LARGE1: variants seen among roughly 807,000 people sequenced by gnomAD.
The protein encoded by LARGE1 is LARGE xylosyl- and glucuronyltransferase 1, also known as xylosyl- and glucuronyltransferase LARGE1.
LARGE1 carries 43 observed loss-of-function variants against 87.6 expected under a neutral mutation model. The ratio of observed to expected loss-of-function variants is 0.49; its 90% CI spans 0.38 to 0.63. The LOEUF is 0.63. LARGE1 is among the 30% of genes least tolerant of loss of function. The pLI is 0.00. For synonymous variants in LARGE1, 434 were observed against 394.6 expected (o/e 1.10, Z -1.18); for missense variants, 802 against 1,000.2 (o/e 0.80, Z 2.67).
chr22:33,140,924 A>G, the LARGE1 span, among the ~76,000 whole-genome samples: 1 of 152,148 alleles, frequency 6.6e-6, no homozygotes, highest in African/African-American at 2.4e-5. Flanking sequence ...GAGATACAGA[A>G]GATTTTCTTG....
At chr22:33,598,111 C>G (rs886773257) in intron 5 of LARGE1, among the ~76,000 whole-genome samples, 1 of 152,126 alleles carries the variant, frequency 6.6e-6, no homozygotes, top group Non-Finnish European at 1.5e-5. Context: ...CTTGTCTAGA[C>G]ACAATGACAG....
chr22:33,243,917 G>A (rs114105620), intron 11 of LARGE1, among the ~76,000 whole-genome samples: 3,229 of 152,278 alleles, frequency 0.021, 114 homozygotes, highest in African/African-American at 0.072. Flanking sequence ...CCAGGCAAAA[G>A]TGTAGGTATC....
chr22:33,908,174 A>G (rs1232741258), intron 1 of LARGE1, among the ~76,000 whole-genome samples: 2 of 152,206 alleles, frequency 1.3e-5, no homozygotes, highest in African/African-American at 2.4e-5. Context: ...CTAAAACGAC[A>G]ACAACAACCA....
the LARGE1 span, among the ~76,000 whole-genome samples, chr22:33,082,375 T>C: frequency 6.6e-6 from 1 of 152,198 alleles, no homozygotes; most frequent in African/African-American, 2.4e-5. Flanking sequence ...CATTTGCTGA[T>C]CATCTTCTTT....
intron 4 of LARGE1, among the ~76,000 whole-genome samples, chr22:33,606,934 C>T (rs1602683743): frequency 6.6e-6 from 1 of 152,106 alleles, no homozygotes; most frequent in South Asian, 2.1e-4. Flanking sequence ...CCTACTCATC[C>T]TTATGTAGTG....
chr22:33,338,908 G>T (rs1417353599), intron 9 of LARGE1, among the ~76,000 whole-genome samples: 2 of 152,176 alleles, frequency 1.3e-5, no homozygotes, highest in African/African-American at 4.8e-5. Flanking sequence ...AGCACTTTGG[G>T]AGGCTGAGGT....
At chr22:33,379,468 T>C (rs2065090883) in intron 9 of LARGE1, among the ~76,000 whole-genome samples, 1 of 152,078 alleles carries the variant, frequency 6.6e-6, no homozygotes, top group African/African-American at 2.4e-5. Context: ...TGTGTCCAAG[T>C]GTTCTCATTG....
intron 11 of LARGE1, among the ~76,000 whole-genome samples, chr22:33,192,038 CA>C (rs1923809872): frequency 6.6e-6 from 1 of 152,048 alleles, no homozygotes; most frequent in African/African-American, 2.4e-5. Flanking sequence ...TCTTATTTTC[CA>C]ACCCTGGATT....
intron 2 of LARGE1, among the ~76,000 whole-genome samples, chr22:33,734,187 C>T (rs1413963747): frequency 6.6e-6 from 1 of 152,198 alleles, no homozygotes; most frequent in African/African-American, 2.4e-5. Context: ...ATTACAGCCG[C>T]CTTAATGACC....
chr22:33,539,128 CAT>C (rs1022533987), intron 6 of LARGE1, among the ~76,000 whole-genome samples: 1 of 152,038 alleles, frequency 6.6e-6, no homozygotes, highest in East Asian at 1.9e-4. Context: ...TACATACACA[CAT>C]ATGTCTTTTG....
chr22:33,132,894 T>TC, the LARGE1 span, among the ~76,000 whole-genome samples: 1 of 152,232 alleles, frequency 6.6e-6, no homozygotes, highest in Admixed American at 6.5e-5. Flanking sequence ...TCTTATACTT[T>TC]CTTTTTTAGG....
intron 6 of LARGE1, among the ~76,000 whole-genome samples, chr22:33,450,642 G>GGAT (rs2067875851): frequency 6.7e-6 from 1 of 150,368 alleles, no homozygotes; most frequent in Admixed American, 6.6e-5. Context: ...TAAATAAATG[G>GGAT]ATCTCAATAT....
chr22:33,092,942 A>G, the LARGE1 span, among the ~76,000 whole-genome samples: 1 of 152,160 alleles, frequency 6.6e-6, no homozygotes, highest in South Asian at 2.1e-4. Context: ...ATATGCATGC[A>G]TGTATCTTTA....
intron 9 of LARGE1, among the ~76,000 whole-genome samples, chr22:33,354,733 A>G (rs1053624405): frequency 8.5e-5 from 13 of 152,230 alleles, no homozygotes; most frequent in Admixed American, 3.3e-4. Context: ...CAGCCAGCCA[A>G]TGATGTACTT....
At chr22:33,694,398 T>G (rs996220025) in intron 2 of LARGE1, among the ~76,000 whole-genome samples, 1 of 152,226 alleles carries the variant, frequency 6.6e-6, no homozygotes, top group South Asian at 2.1e-4. Flanking sequence ...CTGCCTCTAG[T>G]GAACCTTTCT....
At chr22:33,088,706 G>T in the LARGE1 span, among the ~76,000 whole-genome samples, 31 of 152,098 alleles carry the variant, frequency 2.0e-4, no homozygotes, top group Non-Finnish European at 4.4e-4. Context: ...TTGTTTTTTA[G>T]GAGTGGAACT....
intron 6 of LARGE1, among the ~76,000 whole-genome samples, chr22:33,471,386 C>A (rs563434314): frequency 8.9e-4 from 135 of 152,056 alleles, no homozygotes; most frequent in African/African-American, 2.8e-3. Flanking sequence ...TGGAAAGCCC[C>A]GAACAACCCC....
intron 6 of LARGE1, among the ~76,000 whole-genome samples, chr22:33,433,625 A>G (rs963593795): frequency 6.6e-6 from 1 of 151,684 alleles, no homozygotes; most frequent in Non-Finnish European, 1.5e-5. Flanking sequence ...AAAAAAAAAA[A>G]AAAAAGAAAG....
chr22:33,235,610 C>T (rs770487327), intron 11 of LARGE1, among the ~76,000 whole-genome samples: 3 of 152,186 alleles, frequency 2.0e-5, no homozygotes, highest in Non-Finnish European at 4.4e-5. Flanking sequence ...TATCTAGGAG[C>T]TTAACTGAAG....
Sources: gnomAD v4.1 joint callset for allele counts (sites outside exome capture counted in the v4.1 genomes callset) on GRCh38, gnomAD v4.1.1 for gene constraint, MANE v1.5 for transcripts, NCBI Gene and HGNC (gene_info 2026-07-23, HGNC 2026-07-21) for gene names.